The following TMEM132B variants were observed in gnomAD, a reference collection of about 807,000 sequenced individuals.
TMEM132B encodes the protein transmembrane protein 132B.
A neutral mutation model predicts 90.8 loss-of-function variants in TMEM132B; 18 were observed. The observed-to-expected ratio is 0.20, with a 90% CI of 0.14 to 0.29. The LOEUF is 0.29. Ranked by LOEUF, TMEM132B falls within the 10% of genes least tolerant of loss-of-function variation. The probability of loss-of-function intolerance (pLI) is 1.00; values close to 1 mark genes in which losing one functional copy is unlikely to be tolerated. For missense variants in TMEM132B, 1,096 were observed against 1,326.8 expected (o/e 0.83, Z 2.70); for synonymous variants, 504 against 523.3 (o/e 0.96, Z 0.50).
At chr12:125,354,767 C>T (rs559758427) in intron 2 of TMEM132B, among the ~76,000 whole-genome samples, 16 of 152,306 alleles carry the variant, frequency 1.1e-4, no homozygotes, top group Admixed American at 9.1e-4. Flanking sequence ...GTGCCTGGCA[C>T]ACCAATTCTC....
intron 3 of TMEM132B, among the ~76,000 whole-genome samples, chr12:125,499,174 A>G (rs1002821145): frequency 1.3e-5 from 2 of 152,202 alleles, no homozygotes; most frequent in Non-Finnish European, 2.9e-5. Context: ...TAGACATTTG[A>G]TCTTGTATCT....
chr12:125,436,247 C>T (rs1160967170), intron 3 of TMEM132B, among the ~76,000 whole-genome samples: 1 of 152,124 alleles, frequency 6.6e-6, no homozygotes, highest in African/African-American at 2.4e-5. Context: ...ATGGCTGCAC[C>T]ACAGGTGTCT....
chr12:125,422,015 G>A (rs1880182463), intron 3 of TMEM132B, among the ~76,000 whole-genome samples: 1 of 152,132 alleles, frequency 6.6e-6, no homozygotes, highest in Non-Finnish European at 1.5e-5. Context: ...TTGTTGAAAG[G>A]TAAAAGAACA....
chr12:125,350,693 C>T lies in TMEM132B; in HGVS notation c.959+350C>T, dbSNP rs543858593. Among the ~76,000 whole-genome samples, 203 of 152,334 alleles carry T rather than the reference C, an allele frequency of 1.3e-3. 1 individual carries two copies. The highest frequency in any genetic ancestry group is 5.6e-4 in the Non-Finnish European group (38 of 68,034). On this transcript the variant is annotated intron_variant, in intron 2 of 8. Coordinates refer to ENST00000682704, the MANE Select transcript of TMEM132B (RefSeq NM_001366854.1). ...GCAGTTATCAAAGTTAGGATTTTAT[C>T]TTCCCACAGAGGCTGTGAGACAGAG...
intron 2 of TMEM132B, among the ~76,000 whole-genome samples, chr12:125,390,575 T>C (rs1452137499): frequency 6.6e-6 from 1 of 152,188 alleles, no homozygotes; most frequent in Non-Finnish European, 1.5e-5. Context: ...AGACATGAGG[T>C]TGTGTGACAT....
rs978754509 is a variant in TMEM132B at position 125,658,642 on chromosome 12, T to C, written c.*3932T>C. On this transcript the variant is annotated 3_prime_UTR_variant, in exon 9 of 9. Transcript: ENST00000682704. ...GGTATGGATGGTGGAAAAGTTATGC[T>C]AAAATATGGATTGCAGATATTTTTG... 1.3e-5 allele frequency: 2 copies of C among 152,246 alleles called. No homozygotes were observed. The highest frequency in any genetic ancestry group is 1.3e-4 in the Admixed American group (2 of 15,288). 9.4% of individuals were successfully genotyped at this position (152,246 alleles called of 1,614,324 possible). A position where few individuals can be genotyped will look rare whatever the true frequency, so the allele number is the denominator to read the frequency against.
At chr12:125,282,215 C>T (rs1875209809) in intron 1 of TMEM132B, among the ~76,000 whole-genome samples, 1 of 152,044 alleles carries the variant, frequency 6.6e-6, no homozygotes, top group African/African-American at 2.4e-5. Flanking sequence ...CTTCTGTAAA[C>T]CCTTTGCTGC....
chr12:125,455,403 C>T (rs1881266743), intron 3 of TMEM132B, among the ~76,000 whole-genome samples: 1 of 152,082 alleles, frequency 6.6e-6, no homozygotes, highest in Non-Finnish European at 1.5e-5. Flanking sequence ...TAAAGTAAAT[C>T]AGATTTGAAA....
At chr12:125,483,037 T>C (rs140251013) in intron 3 of TMEM132B, among the ~76,000 whole-genome samples, 11,843 of 150,218 alleles carry the variant, frequency 0.079, 653 homozygotes, top group Non-Finnish European at 0.12. Context: ...TAGGTGGGAA[T>C]TGAACAATGA....
intron 4 of TMEM132B, among the ~76,000 whole-genome samples, chr12:125,565,586 G>T (rs187273999): frequency 9.2e-4 from 140 of 152,326 alleles, no homozygotes; most frequent in Admixed American, 2.0e-3. Context: ...GGTGAAAGTG[G>T]CTCTCAGCAG....
intron 3 of TMEM132B, among the ~76,000 whole-genome samples, chr12:125,487,496 C>G (rs913043065): frequency 3.3e-5 from 5 of 152,208 alleles, no homozygotes; most frequent in African/African-American, 1.2e-4. Context: ...TAGTAATCAG[C>G]GATGCTAGCC....
At chr12:125,422,790 G>A (rs1880205483) in intron 3 of TMEM132B, among the ~76,000 whole-genome samples, 1 of 152,202 alleles carries the variant, frequency 6.6e-6, no homozygotes, top group Non-Finnish European at 1.5e-5. Context: ...AAGCTGGGGA[G>A]GTGAGACACT....
intron 3 of TMEM132B, among the ~76,000 whole-genome samples, chr12:125,441,036 C>T (rs1343787993): frequency 1.3e-5 from 2 of 152,172 alleles, no homozygotes; most frequent in Non-Finnish European, 2.9e-5. Flanking sequence ...TTGATATCAC[C>T]ACTTATTAGC....
chr12:125,579,198 T>C (rs1884997735), intron 4 of TMEM132B, among the ~76,000 whole-genome samples: 1 of 152,208 alleles, frequency 6.6e-6, no homozygotes, highest in African/African-American at 2.4e-5. Flanking sequence ...TTATATTCAC[T>C]GATTCTTTTT....
intron 1 of TMEM132B, among the ~76,000 whole-genome samples, chr12:125,260,004 A>G (rs1425732241): frequency 1.3e-5 from 2 of 152,098 alleles, no homozygotes; most frequent in Non-Finnish European, 2.9e-5. Context: ...TCCCAACTGT[A>G]GAAATTATGT....
chr12:125,441,037 A>G (rs1203943767), intron 3 of TMEM132B, among the ~76,000 whole-genome samples: 1 of 152,166 alleles, frequency 6.6e-6, no homozygotes, highest in East Asian at 1.9e-4. Flanking sequence ...TGATATCACC[A>G]CTTATTAGCC....
At chr12:125,565,345 T>G (rs1336389764) in intron 4 of TMEM132B, among the ~76,000 whole-genome samples, 1 of 152,200 alleles carries the variant, frequency 6.6e-6, no homozygotes, top group Non-Finnish European at 1.5e-5. Flanking sequence ...GTGCAGGAGC[T>G]GGGGCAAGTG....
intron 3 of TMEM132B, among the ~76,000 whole-genome samples, chr12:125,452,223 A>G (rs1001961281): frequency 6.6e-6 from 1 of 152,072 alleles, no homozygotes; most frequent in East Asian, 1.9e-4. Context: ...TGTAAGTCAT[A>G]TTTATATTTT....
At chr12:125,504,240 C>T (rs1368253805) in intron 3 of TMEM132B, among the ~76,000 whole-genome samples, 1 of 149,160 alleles carries the variant, frequency 6.7e-6, no homozygotes, top group Non-Finnish European at 1.5e-5. Context: ...GATTGTTGAC[C>T]CAGATGGCCT....
Sources: allele counts gnomAD v4.1 joint callset (sites outside exome capture counted in the v4.1 genomes callset), GRCh38; gene constraint gnomAD v4.1.1; transcripts MANE v1.5; gene names NCBI Gene and HGNC (gene_info 2026-07-23, HGNC 2026-07-21).